Variants in TMEM150C observed in about 807,000 individuals in gnomAD.
TMEM150C encodes the protein tentonin 3.
A neutral mutation model predicts 29.9 loss-of-function variants in TMEM150C; 10 were observed. The ratio of observed to expected loss-of-function variants is 0.33; its 90% CI spans 0.21 to 0.57. TMEM150C has a LOEUF of 0.57. Among genes scored for constraint, TMEM150C ranks in the 20% least tolerant of loss-of-function variants. The probability of loss-of-function intolerance (pLI) is 0.88; values close to 1 mark genes in which losing one functional copy is unlikely to be tolerated. For missense variants in TMEM150C, 251 were observed against 303.6 expected (o/e 0.83, Z 1.29); for synonymous variants, 101 against 112.5 (o/e 0.90, Z 0.64).
intron 1 of TMEM150C, among the ~76,000 whole-genome samples, chr4:82,516,708 T>C (rs752303508): frequency 3.2e-4 from 48 of 152,196 alleles, no homozygotes; most frequent in Non-Finnish European, 6.2e-4. Flanking sequence ...AGCTGAAAGA[T>C]GACTGCTTAG....
chr4:82,503,832 G>A (rs898745418), intron 2 of TMEM150C, among the ~76,000 whole-genome samples: 4 of 151,334 alleles, frequency 2.6e-5, no homozygotes, highest in Non-Finnish European at 4.4e-5. Context: ...CCTGGCAACA[G>A]AGCAAGACTC....
intron 1 of TMEM150C, among the ~76,000 whole-genome samples, chr4:82,547,285 G>GAA (rs769811228): frequency 9.4e-4 from 135 of 143,138 alleles, no homozygotes; most frequent in African/African-American, 3.1e-3. Context: ...CAACAAACAT[G>GAA]AAAAAAAAAA....
chr4:82,558,544 A>G (rs1725815152), intron 1 of TMEM150C, among the ~76,000 whole-genome samples: 1 of 152,220 alleles, frequency 6.6e-6, no homozygotes, highest in Non-Finnish European at 1.5e-5. Flanking sequence ...AAATATTCTA[A>G]ATGGCTGATC....
chr4:82,526,265 T>A (rs575024525), intron 1 of TMEM150C, among the ~76,000 whole-genome samples: 1 of 152,220 alleles, frequency 6.6e-6, no homozygotes, highest in African/African-American at 2.4e-5. Context: ...GATGAGGAGA[T>A]AAGGACAACT....
At chr4:82,500,897 C>T (rs1723717039) in intron 5 of TMEM150C, among the ~76,000 whole-genome samples, 2 of 152,172 alleles carry the variant, frequency 1.3e-5, no homozygotes, top group South Asian at 4.1e-4. Flanking sequence ...GAGTATCACG[C>T]TTAAATGAGG....
At chr4:82,546,518 G>C (rs1278480153) in intron 1 of TMEM150C, among the ~76,000 whole-genome samples, 1 of 152,142 alleles carries the variant, frequency 6.6e-6, no homozygotes, top group East Asian at 1.9e-4. Flanking sequence ...GGGATAGCTG[G>C]CTAGCCTTAT....
chr4:82,530,084 ATCTCTCTCTC>A lies in TMEM150C; in HGVS notation c.-10-25427_-10-25418del, dbSNP rs144911438. Reference sequence around the variant, plus strand: ...GGATCATGCCTTTTGCTCTCTTTCAATCTCTCTCTCTCTCTCTCTCTAGAGAGAGAGAGTG... The same window carrying A: ...GGATCATGCCTTTTGCTCTCTTTCAATCTCTCTCTCTAGAGAGAGAGAGTG... On this transcript the variant is annotated intron_variant, in intron 1 of 7. Coordinates refer to ENST00000449862, the MANE Select transcript of TMEM150C (RefSeq NM_001080506.3). Among the ~76,000 whole-genome samples, 55 of 147,246 alleles carry A rather than the reference ATCTCTCTCTC, an allele frequency of 3.7e-4. 1 individual carries two copies. The highest frequency in any genetic ancestry group is 1.3e-3 in the African/African-American group (53 of 40,272).
chr4:82,520,263 T>C (rs866676857), intron 1 of TMEM150C, among the ~76,000 whole-genome samples: 17 of 152,216 alleles, frequency 1.1e-4, no homozygotes, highest in African/African-American at 3.9e-4. Flanking sequence ...CCCCCACATA[T>C]GTGAAAGTGT....
chr4:82,485,480 C>A lies in TMEM150C; in HGVS notation c.*31G>T. The A allele has an allele frequency of 6.4e-7, 1 of 1,554,704 alleles. No individual in the cohort carries two copies. Among genetic ancestry groups the A allele is most frequent in the Non-Finnish European group, 8.7e-7 (1 of 1,144,880 alleles). ...TACTGGCCCCTCCCCCACTGTCACA[C>A]CCACCTCACCAGCAAGGAAAAACTG... is the stretch of plus-strand genomic sequence containing the variant. On this transcript the variant is annotated 3_prime_UTR_variant, in exon 8 of 8. Transcript: ENST00000449862.
Position 82,486,335 on chromosome 4 carries a change from T to TAAAAAA in TMEM150C, c.542-622_542-617dup, listed in dbSNP as rs527967958. Reference sequence around the variant, plus strand: ...TGGTGGACAGAGCGAGACTCCATCTTAAAAAAAAAAAAAAAAAAAAAAAAA... The same window carrying TAAAAAA: ...TGGTGGACAGAGCGAGACTCCATCTTAAAAAAAAAAAAAAAAAAAAAAAAAAAAAAA... On this transcript the variant is annotated intron_variant, in intron 7 of 7. Transcript: ENST00000449862. 5.6e-3 allele frequency among the ~76,000 whole-genome samples: 287 copies of TAAAAAA among 51,292 alleles called. 16 individuals are homozygous for TAAAAAA. Among genetic ancestry groups the TAAAAAA allele is most frequent in the African/African-American group, 0.022 (244 of 11,144 alleles). 33.6% of individuals were successfully genotyped at this position (51,292 alleles called of 152,430 possible).
chr4:82,517,939 C>A (rs188045118), intron 1 of TMEM150C, among the ~76,000 whole-genome samples: 36 of 152,316 alleles, frequency 2.4e-4, no homozygotes, highest in African/African-American at 8.4e-4. Context: ...ATAACATATT[C>A]TAACAACAAC....
intron 5 of TMEM150C, among the ~76,000 whole-genome samples, chr4:82,500,158 C>A (rs1235915938): frequency 2.6e-5 from 4 of 152,220 alleles, no homozygotes; most frequent in Non-Finnish European, 5.9e-5. Context: ...AGCATTCAAT[C>A]TTTGATTAGT....
At chr4:82,540,114 CTT>C (rs577728662) in intron 1 of TMEM150C, among the ~76,000 whole-genome samples, 1 of 47,252 alleles carries the variant, frequency 2.1e-5, no homozygotes, top group Non-Finnish European at 5.2e-5. Context: ...TCTACCTATT[CTT>C]TTTTTTTTTT....
chr4:82,511,573 T>G (rs1724128815), intron 1 of TMEM150C, among the ~76,000 whole-genome samples: 1 of 146,550 alleles, frequency 6.8e-6, no homozygotes, highest in South Asian at 2.1e-4. Context: ...CTCCCCAGGT[T>G]CAGGTGATCC....
intron 2 of TMEM150C, among the ~76,000 whole-genome samples, chr4:82,504,017 A>G (rs1337004776): frequency 1.3e-5 from 2 of 152,232 alleles, no homozygotes; most frequent in African/African-American, 2.4e-5. Flanking sequence ...GTTCATTACA[A>G]CAAGAACACA....
At chr4:82,547,544 GCA>G (rs1333697918) in intron 1 of TMEM150C, among the ~76,000 whole-genome samples, 3 of 151,754 alleles carry the variant, frequency 2.0e-5, no homozygotes, top group Non-Finnish European at 4.4e-5. Context: ...AGCTGAGATT[GCA>G]CCATTGCACT....
intron 7 of TMEM150C, among the ~76,000 whole-genome samples, chr4:82,486,916 GTC>G (rs918924455): frequency 8.5e-5 from 13 of 152,120 alleles, no homozygotes; most frequent in African/African-American, 3.1e-4. Flanking sequence ...AAGGCCAAGT[GTC>G]TGAGGAACTA....
At chr4:82,513,405 T>A (rs947393166) in intron 1 of TMEM150C, among the ~76,000 whole-genome samples, 7 of 152,120 alleles carry the variant, frequency 4.6e-5, no homozygotes, top group African/African-American at 1.4e-4. Context: ...TGAGGAGGTA[T>A]TGTTTAATGG....
At chr4:82,543,983 T>C (rs1016976068) in intron 1 of TMEM150C, among the ~76,000 whole-genome samples, 9 of 152,200 alleles carry the variant, frequency 5.9e-5, no homozygotes, top group African/African-American at 1.9e-4. Flanking sequence ...AACTATATCA[T>C]TTTGCAAGAT....
Sources: allele counts gnomAD v4.1 joint callset (sites outside exome capture counted in the v4.1 genomes callset), GRCh38; gene constraint gnomAD v4.1.1; transcripts MANE v1.5; gene names NCBI Gene and HGNC (gene_info 2026-07-23, HGNC 2026-07-21).